Variants in LCLAT1 observed in about 807,000 individuals in gnomAD.
The protein encoded by LCLAT1 is lysocardiolipin acyltransferase 1, also known as 1-AGP acyltransferase 8.
In LCLAT1, 11 loss-of-function variants were observed where a neutral mutation model predicts 30.7. The ratio of observed to expected loss-of-function variants is 0.36; its 90% CI spans 0.23 to 0.59. LCLAT1 has a LOEUF of 0.59. Ranked by LOEUF, LCLAT1 falls within the 20% of genes least tolerant of loss-of-function variation. The pLI is 0.77. For synonymous variants in LCLAT1, 155 were observed against 151.3 expected, an observed-to-expected ratio of 1.02 and a Z score of -0.18; for missense variants, 402 against 458.6, an observed-to-expected ratio of 0.88 and a Z score of 1.13.
chr2:30,492,884 A>T (rs1025998243), intron 1 of LCLAT1, among the ~76,000 whole-genome samples: 1 of 152,172 alleles, frequency 6.6e-6, no homozygotes, highest in African/African-American at 2.4e-5. Flanking sequence ...TGTGAATTTC[A>T]TTTATACATT....
At chr2:30,634,856 A>C (rs1325565754) in intron 5 of LCLAT1, among the ~76,000 whole-genome samples, 1 of 152,224 alleles carries the variant, frequency 6.6e-6, no homozygotes, top group Non-Finnish European at 1.5e-5. Context: ...CATTATTGTC[A>C]GTTTCATATG....
At chr2:30,469,621 C>A (rs1682669643) in intron 1 of LCLAT1, among the ~76,000 whole-genome samples, 1 of 148,368 alleles carries the variant, frequency 6.7e-6, no homozygotes, top group African/African-American at 2.5e-5. Flanking sequence ...CTCTGTCACC[C>A]AGGGTGGAGT....
chr2:30,495,407 C>T (rs1193689426), intron 1 of LCLAT1, among the ~76,000 whole-genome samples: 2 of 151,848 alleles, frequency 1.3e-5, no homozygotes, highest in Non-Finnish European at 2.9e-5. Context: ...TCCTTAGTGT[C>T]CTGAAATGAA....
chr2:30,569,283 A>G (rs1665664382), intron 5 of LCLAT1, among the ~76,000 whole-genome samples: 1 of 152,164 alleles, frequency 6.6e-6, no homozygotes, highest in Admixed American at 6.5e-5. Context: ...GTAAATAAAA[A>G]CCAATTGTAC....
chr2:30,599,644 G>A (rs1467927733), intron 5 of LCLAT1, among the ~76,000 whole-genome samples: 1 of 151,778 alleles, frequency 6.6e-6, no homozygotes, highest in East Asian at 1.9e-4. Flanking sequence ...TGTATTGAGT[G>A]CATATATAGG....
At chr2:30,556,524 G>GAA (rs34595624) in intron 3 of LCLAT1, among the ~76,000 whole-genome samples, 22 of 150,980 alleles carry the variant, frequency 1.5e-4, no homozygotes, top group East Asian at 2.0e-4. Flanking sequence ...ATCAGGAAAA[G>GAA]AAAAAAAAAT....
intron 1 of LCLAT1, among the ~76,000 whole-genome samples, chr2:30,504,118 A>G (rs1242801304): frequency 6.6e-6 from 1 of 151,842 alleles, no homozygotes; most frequent in African/African-American, 2.4e-5. Flanking sequence ...GTGTGTGTAT[A>G]TATAAACACA....
intron 1 of LCLAT1, 22 bp from the exon 2 acceptor site, chr2:30,525,565 T>C (rs780542192): frequency 1.9e-6 from 3 of 1,588,732 alleles, no homozygotes; most frequent in South Asian, 1.1e-5. Flanking sequence ...TAACAAAATA[T>C]ATCCTTTTTT....
intron 3 of LCLAT1, 133 bp from the exon 4 acceptor site, chr2:30,562,013 T>G (rs1393513512): frequency 2.0e-6 from 1 of 510,840 alleles, no homozygotes; most frequent in Non-Finnish European, 3.3e-6. Context: ...GTGCTGAATT[T>G]ATGCTATATC....
At chr2:30,540,999 T>G (rs1056583180) in intron 3 of LCLAT1, among the ~76,000 whole-genome samples, 30 of 152,112 alleles carry the variant, frequency 2.0e-4, no homozygotes, top group Non-Finnish European at 8.8e-5. Context: ...GGCTGGACAT[T>G]TTTCTATTGG....
At chr2:30,548,981 G>C (rs1384812782) in intron 3 of LCLAT1, among the ~76,000 whole-genome samples, 1 of 152,186 alleles carries the variant, frequency 6.6e-6, no homozygotes, top group East Asian at 1.9e-4. Flanking sequence ...GGGAAGAAAA[G>C]AAAGGTTCAA....
chr2:30,619,433 A>C (rs1202081611), intron 5 of LCLAT1, among the ~76,000 whole-genome samples: 1 of 152,198 alleles, frequency 6.6e-6, no homozygotes, highest in Non-Finnish European at 1.5e-5. Context: ...AGGTATCTGC[A>C]TTCCTTGCCA....
At chr2:30,538,821 T>G (rs891013906) in intron 3 of LCLAT1, among the ~76,000 whole-genome samples, 6 of 152,008 alleles carry the variant, frequency 3.9e-5, no homozygotes, top group Non-Finnish European at 7.4e-5. Context: ...ACTTTCAAGA[T>G]TGAAATAGGG....
intron 3 of LCLAT1, among the ~76,000 whole-genome samples, chr2:30,541,385 C>G (rs2148410029): frequency 6.6e-6 from 1 of 152,022 alleles, no homozygotes. Context: ...GAGTGTGACC[C>G]TGTCTCTTAA....
chr2:30,473,090 C>T (rs1682876164), intron 1 of LCLAT1, among the ~76,000 whole-genome samples: 2 of 152,088 alleles, frequency 1.3e-5, no homozygotes, highest in African/African-American at 2.4e-5. Context: ...AGATTTCCAT[C>T]TTGGAAAATA....
At chr2:30,448,542 G>T (rs947272767) in intron 1 of LCLAT1, among the ~76,000 whole-genome samples, 3 of 152,218 alleles carry the variant, frequency 2.0e-5, no homozygotes, top group African/African-American at 7.2e-5. Flanking sequence ...AATAGCGCTT[G>T]TGTTTCAGTC....
intron 2 of LCLAT1, among the ~76,000 whole-genome samples, chr2:30,531,438 A>C (rs1321223484): frequency 6.6e-6 from 1 of 152,190 alleles, no homozygotes; most frequent in Non-Finnish European, 1.5e-5. Context: ...AAATTTGATG[A>C]AAACTGCAAG....
At chr2:30,518,155 AAAG>A (rs1685281646) in intron 1 of LCLAT1, among the ~76,000 whole-genome samples, 1 of 152,214 alleles carries the variant, frequency 6.6e-6, no homozygotes, top group Non-Finnish European at 1.5e-5. Flanking sequence ...CAAAAATCTT[AAAG>A]TATCGGGCTG....
chr2:30,490,573 C>A (rs542107353), intron 1 of LCLAT1, among the ~76,000 whole-genome samples: 15 of 152,256 alleles, frequency 9.9e-5, no homozygotes, highest in Non-Finnish European at 2.2e-4. Context: ...GTAACTCTTA[C>A]AATACACTAA....
Sources: gnomAD v4.1 joint callset for allele counts (sites outside exome capture counted in the v4.1 genomes callset) on GRCh38, gnomAD v4.1.1 for gene constraint, MANE v1.5 for transcripts, NCBI Gene and HGNC (gene_info 2026-07-23, HGNC 2026-07-21) for gene names.